KHNYN: variants seen among roughly 807,000 people sequenced by gnomAD.
The protein encoded by KHNYN is protein KHNYN.
A neutral mutation model predicts 62.7 loss-of-function variants in KHNYN; 42 were observed. That is an observed-to-expected ratio of 0.67 (90% CI 0.52 to 0.87). KHNYN has a LOEUF of 0.87. Among genes scored for constraint, KHNYN ranks in the 40% least tolerant of loss-of-function variants. The probability of loss-of-function intolerance (pLI) is 0.00; values close to 1 mark genes in which losing one functional copy is unlikely to be tolerated. For synonymous variants in KHNYN, 347 were observed against 345.6 expected, an observed-to-expected ratio of 1.00 and a Z score of -0.04; for missense variants, 829 against 874.1, an observed-to-expected ratio of 0.95 and a Z score of 0.65.
rs368760768 is a variant in KHNYN, at chr14:24,437,005, C to T, written c.1788-31C>T. The T allele has an allele frequency of 1.9e-6, 3 of 1,596,890 alleles. No homozygotes were observed. Among genetic ancestry groups the T allele is most frequent in the Non-Finnish European group, 1.7e-6 (2 of 1,168,580 alleles). Reference sequence around the variant, plus strand: ...GATCTAATTTCCCCCCCAGGATGCTCATCAGCTCTTTTTGGTCTGTTTCTT... The same window carrying T: ...GATCTAATTTCCCCCCCAGGATGCTTATCAGCTCTTTTTGGTCTGTTTCTT... On this transcript the variant is annotated intron_variant, in intron 7 of 7. Transcript: ENST00000553935. This position sits in a 1 kb window ranked among gnomAD's most constrained non-coding sequence, Gnocchi z 5.5.
Position 24,437,109 on chromosome 14 carries a change from G to C in KHNYN, c.1861G>C (p.Glu621Gln). 1 of 1,614,182 alleles carries C rather than the reference G, an allele frequency of 6.2e-7. No homozygotes were observed. The highest frequency in any genetic ancestry group is 8.5e-7 in the Non-Finnish European group (1 of 1,180,036). Reference sequence around the variant, plus strand: ...ACATGGTAAACAGCAGCAGGGGAGAGAAGAGGAAAAAGGTAGTGGTGGCAT... The same window carrying C: ...ACATGGTAAACAGCAGCAGGGGAGACAAGAGGAAAAAGGTAGTGGTGGCAT... ...AEHGKQQQGREEEKGSGGIRK... is the reference protein window; with the variant it reads ...AEHGKQQQGRQEEKGSGGIRK... The change falls in exon 8 of 8, where the codon GAA (glutamate) becomes CAA (glutamine). Residue 621 changes from glutamate (E) to glutamine (Q), a missense_variant. Transcript: ENST00000553935. The surrounding 1 kb of genome is among the most constrained non-coding windows in gnomAD (Gnocchi z 5.5).
upstream of KHNYN, chr14:24,428,387 C>T (rs199716636): frequency 3.5e-5 from 56 of 1,613,716 alleles, no homozygotes; most frequent in Admixed American, 4.0e-4. Context: ...TCAAAGCCAC[C>T]GCCCTCGTTC....
chr14:24,431,390 C>G (rs760474526), intron 2 of KHNYN, 73 bp from the exon 3 acceptor site: 9 of 1,238,876 alleles, frequency 7.3e-6, no homozygotes, highest in Non-Finnish European at 9.0e-6. Flanking sequence ...AGCTCAGGAG[C>G]GAGCAAGGAG....
intron 5 of KHNYN, chr14:24,435,703 A>C: frequency 3.7e-6 from 1 of 266,822 alleles, no homozygotes; most frequent in South Asian, 5.1e-5. Context: ...TATGGTTGGC[A>C]GATAGGATGC....
upstream of KHNYN, chr14:24,427,582 T>C (rs1179783086): frequency 9.7e-6 from 4 of 410,772 alleles, no homozygotes; most frequent in African/African-American, 1.7e-4. This position sits in a 1 kb window ranked among gnomAD's most constrained non-coding sequence, Gnocchi z 4.4. Context: ...GGAGGGTAAC[T>C]GGGGGTGGGT....
chr14:24,430,597 G>T, intron 1 of KHNYN, 117 bp from the exon 2 acceptor site: 17 of 1,457,552 alleles, frequency 1.2e-5, no homozygotes, highest in Non-Finnish European at 1.5e-5. Context: ...GTCACCTCCT[G>T]GGGCTGTTTA....
At position 24,438,876 on chromosome 14, in the gene KHNYN, CCTCT is replaced by C. The variant is rs2043247689; in HGVS notation, c.*1592_*1595del. The C allele has an allele frequency of 6.6e-6, 1 of 152,282 alleles. No homozygotes were observed. The allele number at this position is 152,282 out of a possible 1,614,324, so 9.4% of individuals were successfully genotyped here. A position where few individuals can be genotyped will look rare whatever the true frequency, so the allele number is the denominator to read the frequency against. On this transcript the variant is annotated 3_prime_UTR_variant, in exon 8 of 8. Transcript: ENST00000553935. Reference sequence around the variant, plus strand: ...TTTTCCAGGCCCTGACTTCTGCCTCCCTCTGAGTGGCACAGGGAGTTGAATACTG... The same window carrying C: ...TTTTCCAGGCCCTGACTTCTGCCTCCGAGTGGCACAGGGAGTTGAATACTG...
the KHNYN span, among the ~76,000 whole-genome samples, chr14:24,423,693 T>C: frequency 2.0e-5 from 3 of 152,140 alleles, no homozygotes; most frequent in Admixed American, 1.3e-4. Context: ...GGATTGAGGA[T>C]TATAGGATTG....
chr14:24,425,472 T>A (rs2043011266), upstream of KHNYN, among the ~76,000 whole-genome samples: 1 of 152,198 alleles, frequency 6.6e-6, no homozygotes, highest in Admixed American at 6.5e-5. Context: ...TGATGTAATG[T>A]CTGGAGCTCA....
upstream of KHNYN, chr14:24,429,646 T>C: frequency 8.9e-7 from 1 of 1,129,700 alleles, no homozygotes. Context: ...TGCTTGGGCC[T>C]AGAGCACCAG....
upstream of KHNYN, among the ~76,000 whole-genome samples, chr14:24,426,086 C>T (rs1393021334): frequency 2.0e-5 from 3 of 152,218 alleles, no homozygotes; most frequent in African/African-American, 7.2e-5. Flanking sequence ...TACTTTTTGT[C>T]ACACTTTATA....
At chr14:24,429,423 G>C, upstream of KHNYN, 1 of 536,920 alleles carries the variant, frequency 1.9e-6, no homozygotes, top group Non-Finnish European at 3.6e-6. Flanking sequence ...TGTGTGTGAC[G>C]GGTGTGACAG....
At position 24,439,195 on chromosome 14, in the gene KHNYN, T is replaced by C. The variant is rs1489076710; in HGVS notation, c.*1910T>C. ...GATGAAAACCTTGGAGTTTTTTTTTTTCCTGATAGGGTTGTTTATACTTCT... is the reference window on the plus strand; with the variant it reads ...GATGAAAACCTTGGAGTTTTTTTTTCTCCTGATAGGGTTGTTTATACTTCT... On this transcript the variant is annotated 3_prime_UTR_variant, in exon 8 of 8. Transcript: ENST00000553935. 6.6e-6 allele frequency: 1 copy of C among 152,176 alleles called. No individual in the cohort carries two copies. The highest frequency in any genetic ancestry group is 2.4e-5 in the African/African-American group (1 of 41,440). The allele number at this position is 152,176 out of a possible 1,614,324, so 9.4% of individuals were successfully genotyped here.
chr14:24,439,065 C>G lies in KHNYN; in HGVS notation c.*1780C>G, dbSNP rs980280952. 6.6e-6 allele frequency: 1 copy of G among 152,180 alleles called. No homozygotes were observed. Among genetic ancestry groups the G allele is most frequent in the Non-Finnish European group, 1.5e-5 (1 of 68,126 alleles). 9.4% of individuals were successfully genotyped at this position (152,180 alleles called of 1,614,324 possible). ...ATGATTAAGAGATAACCCAGCGGTC[C>G]CTGAGAAGAGATTGGTTAGTATGGC... On this transcript the variant is annotated 3_prime_UTR_variant, in exon 8 of 8. Transcript: ENST00000553935.
In KHNYN at chr14:24,440,116, C is replaced by T. The variant is rs1566505158; in HGVS notation, c.*2831C>T. 1.9e-6 allele frequency: 3 copies of T among 1,609,924 alleles called. No individual in the cohort carries two copies. Among genetic ancestry groups the T allele is most frequent in the East Asian group, 2.2e-5 (1 of 44,754 alleles). Reference sequence around the variant, plus strand: ...CAATTTCCTTTAAGGCAGCCCCTAGCTCTGGGAAGGAATACTGGTAGCCAG... The same window carrying T: ...CAATTTCCTTTAAGGCAGCCCCTAGTTCTGGGAAGGAATACTGGTAGCCAG... On this transcript the variant is annotated 3_prime_UTR_variant, in exon 8 of 8. Coordinates refer to ENST00000553935, the MANE Select transcript of KHNYN (RefSeq NM_015299.3).
At position 24,431,694 on chromosome 14, in the gene KHNYN, G is replaced by A. The variant is rs1410132453; in HGVS notation, c.433G>A (p.Asp145Asn). 24 of 1,614,066 alleles carry A rather than the reference G, an allele frequency of 1.5e-5. No individual in the cohort carries two copies. Among genetic ancestry groups the A allele is most frequent in the Non-Finnish European group, 2.0e-5 (24 of 1,180,038 alleles). ...AGAGCTGGCAGAGCGGCTGAGCTGG[G>A]ACTTCACGCCAGGACCATCTTCCGG... ...VEELAERLSW[D>N]FTPGPSSGAS... Residue 145 changes from aspartate to asparagine, a missense_variant, in exon 3 of 8, where the codon GAC becomes AAC. Coordinates refer to ENST00000553935, the MANE Select transcript of KHNYN (RefSeq NM_015299.3).
Position 24,440,830 on chromosome 14 carries a change from G to A in KHNYN, c.*3545G>A. 1 of 1,613,668 alleles carries A rather than the reference G, an allele frequency of 6.2e-7. No homozygotes were observed. Among genetic ancestry groups the A allele is most frequent in the Non-Finnish European group, 8.5e-7 (1 of 1,179,764 alleles). On this transcript the variant is annotated 3_prime_UTR_variant, in exon 8 of 8. Coordinates refer to ENST00000553935, the MANE Select transcript of KHNYN (RefSeq NM_015299.3). ...TGTAGAATCTCCAGGAAGCCTGGCT[G>A]CAGCTTCCCATTTGGTTACGAGGTT...
upstream of KHNYN, chr14:24,428,457 G>A (rs746703980): frequency 2.5e-6 from 4 of 1,602,720 alleles, no homozygotes; most frequent in South Asian, 3.3e-5. Context: ...CCATGGCTCA[G>A]GGGTACCATG....
In KHNYN at chr14:24,429,979, A is replaced by C; in HGVS notation, c.-158A>C. ...AGTTTGCGTGCGATGTGGACAAGAG[A>C]GGTCCCCGCTGGGTGAGGAACCCGG... On this transcript the variant is annotated 5_prime_UTR_variant, in exon 1 of 8. Transcript: ENST00000553935. The C allele has an allele frequency of 1.0e-6, 1 of 988,082 alleles. No homozygotes were observed. Among genetic ancestry groups the C allele is most frequent in the Non-Finnish European group, 1.2e-6 (1 of 831,244 alleles). 61.2% of individuals were successfully genotyped at this position (988,082 alleles called of 1,614,324 possible).
Sources: gnomAD v4.1 joint callset for allele counts (sites outside exome capture counted in the v4.1 genomes callset) on GRCh38, gnomAD v4.1.1 for gene constraint, Gnocchi (gnomAD v3.1) non-coding constraint, MANE v1.5 for transcripts, NCBI Gene and HGNC (gene_info 2026-07-23, HGNC 2026-07-21) for gene names.